DSE: variants seen among roughly 807,000 people sequenced by gnomAD.
The protein encoded by DSE is dermatan-sulfate epimerase.
In DSE, 36 loss-of-function variants were observed where a neutral mutation model predicts 84.4. The ratio of observed to expected loss-of-function variants is 0.43; its 90% CI spans 0.33 to 0.56. The LOEUF is 0.56. DSE is among the 20% of genes least tolerant of loss of function. The pLI is 0.06. For missense variants in DSE, 862 were observed against 1,169.6 expected (o/e 0.74, Z 3.84); for synonymous variants, 410 against 430.1 (o/e 0.95, Z 0.58).
upstream of DSE, among the ~76,000 whole-genome samples, chr6:116,365,820 C>T (rs542502105): frequency 2.0e-5 from 3 of 152,186 alleles, no homozygotes; most frequent in Non-Finnish European, 4.4e-5. Flanking sequence ...CCACGACAAT[C>T]CTTATCTCCT....
chr6:116,330,657 A>G (rs898122445), intron 2 of DSE, among the ~76,000 whole-genome samples: 6 of 152,216 alleles, frequency 3.9e-5, no homozygotes, highest in African/African-American at 1.4e-4. Flanking sequence ...AAATCTCAAC[A>G]TGATGAAATA....
At chr6:116,351,315 C>A (rs1420302116) in intron 2 of DSE, among the ~76,000 whole-genome samples, 2 of 152,112 alleles carry the variant, frequency 1.3e-5, no homozygotes, top group Admixed American at 6.6e-5. Context: ...AACAGAGTAA[C>A]CCTTGCTGGT....
intron 2 of DSE, among the ~76,000 whole-genome samples, chr6:116,349,798 A>T (rs1156530112): frequency 6.6e-6 from 1 of 152,184 alleles, no homozygotes; most frequent in Non-Finnish European, 1.5e-5. Context: ...ACAGGTTCTC[A>T]TTATTCTTAT....
chr6:116,306,802 A>G (rs1775373475), intron 2 of DSE, among the ~76,000 whole-genome samples: 1 of 152,116 alleles, frequency 6.6e-6, no homozygotes, highest in African/African-American at 2.4e-5. Flanking sequence ...GACCCTAATG[A>G]TGGGATTTGT....
At chr6:116,281,819 G>C (rs541048758) in intron 2 of DSE, among the ~76,000 whole-genome samples, 2 of 152,334 alleles carry the variant, frequency 1.3e-5, no homozygotes, top group East Asian at 3.9e-4. Flanking sequence ...GAAGTAAGGG[G>C]CATATGGGTT....
chr6:116,302,757 G>T (rs1479674196), intron 2 of DSE, among the ~76,000 whole-genome samples: 4 of 152,010 alleles, frequency 2.6e-5, no homozygotes, highest in Admixed American at 6.6e-5. Context: ...TTTCTTCTAG[G>T]GTTTTTTATG....
chr6:116,279,874 T>C, intron 2 of DSE: 1 of 1,612,932 alleles, frequency 6.2e-7, no homozygotes, highest in Non-Finnish European at 8.5e-7. Flanking sequence ...CCCGTTTTCC[T>C]CAGAGGCCGA....
At chr6:116,293,507 G>A (rs1774435225) in intron 2 of DSE, among the ~76,000 whole-genome samples, 1 of 151,998 alleles carries the variant, frequency 6.6e-6, no homozygotes, top group Non-Finnish European at 1.5e-5. Context: ...GGAAGATGAG[G>A]CCAATATTTG....
At position 116,258,727 on chromosome 6, in the gene DSE, C is replaced by T. The variant is rs1365361345; in HGVS notation, c.-294C>T. On this transcript the variant is annotated 5_prime_UTR_variant, in exon 2 of 4. Coordinates refer to the DSE transcript ENST00000430252. ...AGCCTGTCGTCTCACAGTCCCGGCG[C>T]ACCCAATGCGTGTGGAGTCCTCCCG... 9.3e-6 allele frequency: 15 copies of T among 1,607,658 alleles called. No individual in the cohort carries two copies. In the African/African-American group the frequency reaches 1.2e-4, roughly 13 times the overall value.
intron 2 of DSE, among the ~76,000 whole-genome samples, chr6:116,322,217 TCTATAGATA>T (rs1776369590): frequency 6.6e-6 from 1 of 152,184 alleles, no homozygotes; most frequent in African/African-American, 2.4e-5. Flanking sequence ...ATGTCTGTAA[TCTATAGATA>T]ACATAACCGA....
intron 2 of DSE, among the ~76,000 whole-genome samples, chr6:116,306,500 A>T (rs1193490580): frequency 6.6e-6 from 1 of 152,032 alleles, no homozygotes; most frequent in African/African-American, 2.4e-5. Flanking sequence ...TGCTGAAATG[A>T]TTATGTTTGT....
chr6:116,417,456 A>T (rs1782785814), intron 2 of DSE, among the ~76,000 whole-genome samples: 1 of 152,188 alleles, frequency 6.6e-6, no homozygotes, highest in South Asian at 2.1e-4. Context: ...TCATTTGAGT[A>T]AAATGTGTTT....
In DSE at chr6:116,436,226, C is replaced by T. The variant is rs1394376452; in HGVS notation, c.1758C>T (p.Phe586=). ...GTCCCTTGGAGACAGCAGCGAGCTT[C>T]TTCCATAATGTGGATGTTCCTTTTG... ...EESPLETAAS[F]FHNVDVPFEE... The change falls in exon 6 of 6, where the codon TTC becomes TTT. Residue 586 remains phenylalanine, a synonymous_variant. Coordinates refer to ENST00000644252, the MANE Select transcript of DSE (RefSeq NM_013352.4). 1.2e-6 allele frequency: 2 copies of T among 1,614,020 alleles called. No individual in the cohort carries two copies. The highest frequency in any genetic ancestry group is 1.3e-5 in the African/African-American group (1 of 74,916).
At chr6:116,401,235 G>A (rs1781573168) in intron 2 of DSE, 1 of 152,086 alleles carries the variant, frequency 6.6e-6, no homozygotes, top group South Asian at 2.1e-4. Flanking sequence ...ATTAGGATGA[G>A]ACTCCTTCTA....
At chr6:116,410,288 C>A (rs1430224822) in intron 2 of DSE, among the ~76,000 whole-genome samples, 1 of 152,196 alleles carries the variant, frequency 6.6e-6, no homozygotes, top group Non-Finnish European at 1.5e-5. Flanking sequence ...ACATCCCAGT[C>A]CCAGTTCCCT....
chr6:116,424,713 A>T (rs191062103), intron 2 of DSE, among the ~76,000 whole-genome samples: 116 of 152,332 alleles, frequency 7.6e-4, no homozygotes, highest in African/African-American at 2.6e-3. Flanking sequence ...ATATTCATAC[A>T]TATATTTACT....
At chr6:116,383,943 A>G (rs928285528) in intron 1 of DSE, among the ~76,000 whole-genome samples, 16 of 152,226 alleles carry the variant, frequency 1.1e-4, no homozygotes, top group African/African-American at 3.6e-4. Context: ...TTTTTTTAGC[A>G]GGAAATACTA....
intron 2 of DSE, among the ~76,000 whole-genome samples, chr6:116,411,720 G>C (rs541939975): frequency 3.3e-5 from 5 of 152,310 alleles, no homozygotes; most frequent in Admixed American, 2.0e-4. Flanking sequence ...GAAACCACAT[G>C]AAGTTTACTA....
intron 2 of DSE, among the ~76,000 whole-genome samples, chr6:116,292,409 A>G (rs1774342383): frequency 6.6e-6 from 1 of 152,208 alleles, no homozygotes; most frequent in Admixed American, 6.5e-5. Context: ...GCAGCTATAC[A>G]GCATGGGTGT....
Sources: gnomAD v4.1 joint callset for allele counts (sites outside exome capture counted in the v4.1 genomes callset) on GRCh38, gnomAD v4.1.1 for gene constraint, MANE v1.5 for transcripts, NCBI Gene and HGNC (gene_info 2026-07-23, HGNC 2026-07-21) for gene names.